ZNF644: variants seen among roughly 807,000 people sequenced by gnomAD.
The protein encoded by ZNF644 is zinc finger protein 644.
Under a neutral mutation model 108.0 loss-of-function variants are expected in ZNF644, and 20 were observed. That is an observed-to-expected ratio of 0.19 (90% CI 0.13 to 0.27). ZNF644 has a LOEUF of 0.27. Among genes scored for constraint, ZNF644 ranks in the 10% least tolerant of loss-of-function variants. The pLI, the probability that ZNF644 is intolerant of heterozygous loss-of-function variation, is 1.00. For missense variants in ZNF644, 1,338 were observed against 1,548.9 expected, an observed-to-expected ratio of 0.86 and a Z score of 2.29; for synonymous variants, 542 against 539.1, an observed-to-expected ratio of 1.01 and a Z score of -0.08.
At chr1:90,937,391 T>A in intron 4 of ZNF644, 94 bp downstream of exon 4, 1 of 1,563,056 alleles carries the variant, frequency 6.4e-7, no homozygotes, top group Non-Finnish European at 8.7e-7. Context: ...ACAGGAAGAT[T>A]GTGAGAAAGT....
intron 1 of ZNF644, among the ~76,000 whole-genome samples, chr1:91,017,737 G>GA (rs1168812730): frequency 6.6e-6 from 1 of 152,200 alleles, no homozygotes; most frequent in Non-Finnish European, 1.5e-5. Flanking sequence ...CAAGGCGGGT[G>GA]AATCACCTGA....
intron 4 of ZNF644, among the ~76,000 whole-genome samples, chr1:90,931,286 T>C (rs1276977768): frequency 1.3e-5 from 2 of 151,158 alleles, no homozygotes; most frequent in East Asian, 3.9e-4. Flanking sequence ...ATGAAAACTA[T>C]ATAATGTTCT....
intron 4 of ZNF644, among the ~76,000 whole-genome samples, chr1:90,936,502 C>A (rs914009699): frequency 1.2e-4 from 18 of 152,106 alleles, no homozygotes; most frequent in African/African-American, 4.3e-4. Flanking sequence ...TAAATCAAAA[C>A]TGCATTACAA....
chr1:90,925,112 T>A (rs1649878111), intron 4 of ZNF644, among the ~76,000 whole-genome samples: 1 of 152,192 alleles, frequency 6.6e-6, no homozygotes, highest in South Asian at 2.1e-4. Context: ...GGAAAGCAGC[T>A]CAGCAGTCAG....
chr1:90,953,132 T>G (rs376537065), intron 2 of ZNF644, among the ~76,000 whole-genome samples: 3 of 151,872 alleles, frequency 2.0e-5, no homozygotes, highest in African/African-American at 4.8e-5. Context: ...AAAACATCCA[T>G]GTCAGACAAG....
Position 90,937,513 on chromosome 1 carries a change from T to A in ZNF644, c.3660A>T (p.Pro1220=), listed in dbSNP as rs763319720. 6.2e-7 allele frequency: 1 copy of A among 1,613,762 alleles called. No homozygotes were observed. Among genetic ancestry groups the A allele is most frequent in the Non-Finnish European group, 8.5e-7 (1 of 1,179,772 alleles). The change falls in exon 4 of 6, where the codon CCA becomes CCT. Residue 1220 remains proline, a synonymous_variant. Transcript: ENST00000337393. ...LNEDSPLMYQ[P]QKMDLTMHSA... is the part of the protein sequence containing the mutation. ...AGTGCATAGTCAAGTCCATTTTTTG[T>A]GGCTGATACATCAACGGACTATCCT...
In ZNF644 at chr1:90,915,796, G is replaced by A. The variant is rs901085119; in HGVS notation, c.*1002C>T. On this transcript the variant is annotated 3_prime_UTR_variant, in exon 6 of 6. Transcript: ENST00000337393. ...CATATGTAGAAATATTTTAATTGGTGTATTAAGTTTTGCTAACTGATCAAA... is the reference window on the plus strand; with the variant it reads ...CATATGTAGAAATATTTTAATTGGTATATTAAGTTTTGCTAACTGATCAAA... 1 of 152,568 alleles carries A rather than the reference G, an allele frequency of 6.6e-6. No homozygotes were observed. Among genetic ancestry groups the A allele is most frequent in the African/African-American group, 2.4e-5 (1 of 41,432 alleles). 9.5% of individuals were successfully genotyped at this position (152,568 alleles called of 1,614,324 possible). A position where few individuals can be genotyped will look rare whatever the true frequency, so the allele number is the denominator to read the frequency against.
intron 2 of ZNF644, among the ~76,000 whole-genome samples, chr1:90,966,861 TAGG>T (rs989524252): frequency 6.6e-6 from 1 of 151,850 alleles, no homozygotes; most frequent in Non-Finnish European, 1.5e-5. Context: ...GCTCACGTGA[TAGG>T]AGCACTTTGG....
At chr1:90,996,472 C>T (rs1658155666) in intron 1 of ZNF644, among the ~76,000 whole-genome samples, 1 of 152,164 alleles carries the variant, frequency 6.6e-6, no homozygotes, top group African/African-American at 2.4e-5. Context: ...CATTCTCCCC[C>T]ACAGTAGCTT....
intron 2 of ZNF644, among the ~76,000 whole-genome samples, chr1:90,971,231 TA>T (rs71087917): frequency 8.4e-5 from 12 of 143,098 alleles, no homozygotes; most frequent in East Asian, 2.1e-4. Flanking sequence ...TTCATCAACA[TA>T]AAAAAAAAAA....
chr1:91,006,271 G>A (rs142445299), intron 1 of ZNF644, among the ~76,000 whole-genome samples: 44 of 152,252 alleles, frequency 2.9e-4, no homozygotes, highest in African/African-American at 5.8e-4. Context: ...CAACCACGGC[G>A]GACAGCACCT....
chr1:90,937,563 G>C lies in ZNF644; in HGVS notation c.3610C>G (p.Gln1204Glu). 1 of 1,613,870 alleles carries C rather than the reference G, an allele frequency of 6.2e-7. No homozygotes were observed. The highest frequency in any genetic ancestry group is 8.5e-7 in the Non-Finnish European group (1 of 1,179,828). Reference protein sequence around the residue: ...HNQTARKRFVQKCVLPLNEDS... With the variant: ...HNQTARKRFVEKCVLPLNEDS... ...TCATTTAATGGAAGAACGCATTTCT[G>C]AACGAATCTCTTTCTTGCTGTCTGA... Residue 1204 changes from glutamine to glutamate, a missense_variant, in exon 4 of 6, where the codon CAG (glutamine) becomes GAG (glutamate). Coordinates refer to ENST00000337393, the MANE Select transcript of ZNF644 (RefSeq NM_201269.3).
At chr1:91,017,865 G>A (rs1262922014) in intron 1 of ZNF644, among the ~76,000 whole-genome samples, 1 of 152,166 alleles carries the variant, frequency 6.6e-6, no homozygotes, top group Non-Finnish European at 1.5e-5. Context: ...GAGAGGCTGA[G>A]ACAGGAGAAT....
At position 90,940,141 on chromosome 1, in the gene ZNF644, C is replaced by T. The variant is rs751208526; in HGVS notation, c.1213G>A (p.Glu405Lys). The change falls in exon 3 of 6, where the codon GAA (glutamate) becomes AAA (lysine). Residue 405 changes from glutamate (E) to lysine (K), a missense_variant. By Grantham distance (56) the Glu-to-Lys change is moderately conservative. Around this residue, in one of 6 missense-constraint regions of ZNF644, gnomAD observed 80 missense variants for 183.0 expected, o/e 0.44. Transcript: ENST00000337393. ...GTACAGGGGTAGAATGATGGCTCTT[C>T]GGTACTGAAAGTAGCAGGTGACTCA... is the stretch of plus-strand genomic sequence containing the variant. Reference protein sequence around the residue: ...DSESPATFSTEEPSFYPCTKC... With the variant: ...DSESPATFSTKEPSFYPCTKC... The T allele has an allele frequency of 3.7e-6, 6 of 1,613,952 alleles. No homozygotes were observed. Among genetic ancestry groups the T allele is most frequent in the South Asian group, 3.3e-5 (3 of 91,068 alleles).
intron 1 of ZNF644, among the ~76,000 whole-genome samples, chr1:90,991,903 G>C (rs1353331886): frequency 6.6e-6 from 1 of 152,040 alleles, no homozygotes; most frequent in African/African-American, 2.4e-5. Flanking sequence ...TTGTAATATT[G>C]AAACACTAGC....
At chr1:90,964,461 T>G (rs1654636627) in intron 2 of ZNF644, among the ~76,000 whole-genome samples, 1 of 152,146 alleles carries the variant, frequency 6.6e-6, no homozygotes, top group East Asian at 1.9e-4. Context: ...TTTATATTTT[T>G]ATATTCCATG....
At chr1:90,962,965 A>C (rs1460871853) in intron 2 of ZNF644, among the ~76,000 whole-genome samples, 1 of 152,194 alleles carries the variant, frequency 6.6e-6, no homozygotes, top group Non-Finnish European at 1.5e-5. Flanking sequence ...CTATACTAAA[A>C]TTAAGACCTT....
chr1:90,940,753 C>T lies in ZNF644; in HGVS notation c.601G>A (p.Gly201Ser), dbSNP rs758795533. ...CCTACTGAATTCTGAATGTCACAAC[C>T]AACTGAAGCAGAGGTAGGTAGTTTT... is the stretch of plus-strand genomic sequence containing the variant. ...NKKLPTSASV[G>S]CDIQNSVGSN... The change falls in exon 3 of 6, where the codon GGT becomes AGT. Residue 201 changes from glycine (G) to serine (S), a missense_variant. Physicochemically the swap from Gly to Ser is moderately conservative, Grantham distance 56. This residue lies in a region of ZNF644 where 464 missense variants were observed against 457.9 expected (regional missense o/e 1.01). Coordinates refer to ENST00000337393, the MANE Select transcript of ZNF644 (RefSeq NM_201269.3). 2 of 1,613,958 alleles carry T rather than the reference C, an allele frequency of 1.2e-6. No homozygotes were observed. Among genetic ancestry groups the T allele is most frequent in the East Asian group, 4.5e-5 (2 of 44,872 alleles).
chr1:90,930,465 G>A (rs1650606818), intron 4 of ZNF644, among the ~76,000 whole-genome samples: 1 of 152,164 alleles, frequency 6.6e-6, no homozygotes, highest in Non-Finnish European at 1.5e-5. Context: ...GATAGAATGA[G>A]TATAGAAAAT....
Sources: allele counts gnomAD v4.1 joint callset (sites outside exome capture counted in the v4.1 genomes callset), GRCh38; gene constraint gnomAD v4.1.1; regional missense constraint gnomAD v4.1.1; transcripts MANE v1.5; gene names NCBI Gene and HGNC (gene_info 2026-07-23, HGNC 2026-07-21).